The following PDGFC variants were observed in gnomAD, a reference collection of about 807,000 sequenced individuals.
The protein encoded by PDGFC is platelet derived growth factor C, also known as platelet-derived growth factor C.
PDGFC carries 12 observed loss-of-function variants against 35.5 expected under a neutral mutation model. The ratio of observed to expected loss-of-function variants is 0.34; its 90% CI spans 0.22 to 0.55. The LOEUF is 0.55. Among genes scored for constraint, PDGFC ranks in the 20% least tolerant of loss-of-function variants. The probability of loss-of-function intolerance (pLI) is 0.91; values close to 1 mark genes in which losing one functional copy is unlikely to be tolerated. For synonymous variants in PDGFC, 159 were observed against 148.8 expected, an observed-to-expected ratio of 1.07 and a Z score of -0.50; for missense variants, 322 against 412.4, an observed-to-expected ratio of 0.78 and a Z score of 1.90.
intron 1 of PDGFC, among the ~76,000 whole-genome samples, chr4:156,912,582 A>G (rs769767386): frequency 4.6e-5 from 7 of 152,096 alleles, no homozygotes; most frequent in Non-Finnish European, 8.8e-5. Flanking sequence ...CAAAGCCACA[A>G]AAGTATTCCT....
intron 1 of PDGFC, among the ~76,000 whole-genome samples, chr4:156,893,344 T>C (rs1162423027): frequency 6.6e-6 from 1 of 151,968 alleles, no homozygotes; most frequent in Non-Finnish European, 1.5e-5. Flanking sequence ...TAGATTTTTT[T>C]TTTTTTTAAG....
intron 1 of PDGFC, among the ~76,000 whole-genome samples, chr4:156,854,408 A>C (rs1729525303): frequency 6.6e-6 from 1 of 152,138 alleles, no homozygotes. Flanking sequence ...ATTCACTATT[A>C]AATTGGACTA....
intron 1 of PDGFC, among the ~76,000 whole-genome samples, chr4:156,910,559 G>A (rs1731014987): frequency 6.6e-6 from 1 of 152,046 alleles, no homozygotes; most frequent in African/African-American, 2.4e-5. Context: ...ATGTCCAAGA[G>A]TGTAATTTCT....
chr4:156,807,884 A>G (rs975568175), intron 3 of PDGFC, among the ~76,000 whole-genome samples: 12 of 152,206 alleles, frequency 7.9e-5, no homozygotes, highest in African/African-American at 2.9e-4. Context: ...GTTGATTATG[A>G]AAAGTAGATA....
At chr4:156,911,074 T>C (rs2110804484) in intron 1 of PDGFC, among the ~76,000 whole-genome samples, 1 of 152,240 alleles carries the variant, frequency 6.6e-6, no homozygotes, top group Non-Finnish European at 1.5e-5. Context: ...GTCATTCCTT[T>C]TGTGGGGTGT....
intron 1 of PDGFC, among the ~76,000 whole-genome samples, chr4:156,946,215 C>A (rs1731944231): frequency 6.6e-6 from 1 of 151,832 alleles, no homozygotes; most frequent in Non-Finnish European, 1.5e-5. Context: ...TTTAAAAAAA[C>A]AAGAATTTTA....
chr4:156,808,809 G>C (rs1731846226), intron 3 of PDGFC, among the ~76,000 whole-genome samples: 1 of 152,040 alleles, frequency 6.6e-6, no homozygotes, highest in Admixed American at 6.6e-5. Flanking sequence ...GAATGTGGCT[G>C]TAAGTAGAGA....
At chr4:156,962,191 C>CT (rs1732359724) in intron 1 of PDGFC, among the ~76,000 whole-genome samples, 2 of 152,258 alleles carry the variant, frequency 1.3e-5, no homozygotes, top group South Asian at 4.1e-4. Flanking sequence ...CATCTTTCCA[C>CT]TTTTTCTAGC....
chr4:156,810,881 G>C lies in PDGFC; in HGVS notation c.451C>G (p.Pro151Ala). Residue 151 changes from proline (P) to alanine (A), a missense_variant, in exon 3 of 6, where the codon CCT (proline) becomes GCT (alanine). Transcript: ENST00000502773. ...TGGATGCAGAACCCTGGTTCAGAAG[G>C]AAAATATTCATCAGATACAAATCTT... is the stretch of plus-strand genomic sequence containing the variant. Reference protein sequence around the residue: ...RIRFVSDEYFPSEPGFCIHYN... With the variant: ...RIRFVSDEYFASEPGFCIHYN... The C allele has an allele frequency of 6.2e-7, 1 of 1,608,850 alleles. No individual in the cohort carries two copies. Among genetic ancestry groups the C allele is most frequent in the Non-Finnish European group, 8.5e-7 (1 of 1,176,018 alleles).
intron 1 of PDGFC, among the ~76,000 whole-genome samples, chr4:156,936,993 C>T (rs1472101041): frequency 6.6e-6 from 1 of 152,120 alleles, no homozygotes; most frequent in Admixed American, 6.5e-5. Flanking sequence ...AATTTAAGAG[C>T]TGAGAAATAA....
At chr4:156,791,683 T>C (rs1731303634) in intron 3 of PDGFC, among the ~76,000 whole-genome samples, 2 of 152,336 alleles carry the variant, frequency 1.3e-5, no homozygotes, top group African/African-American at 2.4e-5. Context: ...AACAAAATTA[T>C]ATGTATTTAT....
Position 156,762,870 on chromosome 4 carries a change from A to G in PDGFC, c.*220T>C. The stretch of plus-strand genomic sequence containing the variant: ...TTTAATTTTCTTTCCACGATTGAAG[A>G]CCTTTTCTCCTGTCCTTTAGGCCTC... On this transcript the variant is annotated 3_prime_UTR_variant, in exon 6 of 6. Transcript: ENST00000502773. The G allele has an allele frequency of 2.1e-6, 1 of 467,396 alleles. No individual in the cohort carries two copies. The highest frequency in any genetic ancestry group is 4.5e-5 in the South Asian group (1 of 22,414). The allele number at this position is 467,396 out of a possible 1,614,324, so 29.0% of individuals were successfully genotyped here.
At chr4:156,812,278 C>T (rs530908716) in intron 2 of PDGFC, among the ~76,000 whole-genome samples, 2 of 152,084 alleles carry the variant, frequency 1.3e-5, no homozygotes, top group African/African-American at 2.4e-5. Context: ...TTAAAAGATG[C>T]TAACATTTTC....
chr4:156,784,399 A>G (rs7672622), intron 3 of PDGFC, among the ~76,000 whole-genome samples: 61,779 of 151,930 alleles, frequency 0.41, 16,449 homozygotes, highest in African/African-American at 0.76. Context: ...ACATCAAAGT[A>G]ATGGAAAGAT....
At chr4:156,959,704 A>G (rs1465825980) in intron 1 of PDGFC, among the ~76,000 whole-genome samples, 1 of 152,014 alleles carries the variant, frequency 6.6e-6, no homozygotes, top group Non-Finnish European at 1.5e-5. Flanking sequence ...AACTTGTGGC[A>G]TTTACACTTC....
intron 1 of PDGFC, among the ~76,000 whole-genome samples, chr4:156,900,437 C>T (rs946590159): frequency 6.6e-6 from 1 of 152,130 alleles, no homozygotes; most frequent in Non-Finnish European, 1.5e-5. Flanking sequence ...AACTAGGACA[C>T]GTAGAGTAAC....
chr4:156,934,031 T>C (rs1426647279), intron 1 of PDGFC, among the ~76,000 whole-genome samples: 1 of 152,114 alleles, frequency 6.6e-6, no homozygotes, highest in Non-Finnish European at 1.5e-5. Flanking sequence ...ACAGAGAAAA[T>C]ATGTGTGTTA....
At position 156,971,313 on chromosome 4, in the gene PDGFC, C is replaced by T. The variant is rs1732587868; in HGVS notation, c.-410G>A. On this transcript the variant is annotated 5_prime_UTR_variant, in exon 1 of 6. Transcript: ENST00000502773. Reference sequence around the variant, plus strand: ...ACAGAGGCGAAAACTCAAGGGTTGCCCGCAGCCAGACTGGAAGCCAAGTCG... The same window carrying T: ...ACAGAGGCGAAAACTCAAGGGTTGCTCGCAGCCAGACTGGAAGCCAAGTCG... 2.5e-6 allele frequency: 1 copy of T among 399,872 alleles called. No individual in the cohort carries two copies. Among genetic ancestry groups the T allele is most frequent in the African/African-American group, 2.1e-5 (1 of 48,658 alleles). 24.8% of individuals were successfully genotyped at this position (399,872 alleles called of 1,614,324 possible). A position where few individuals can be genotyped will look rare whatever the true frequency, so the allele number is the denominator to read the frequency against.
intron 2 of PDGFC, among the ~76,000 whole-genome samples, chr4:156,816,902 T>C (rs561545443): frequency 1.3e-5 from 2 of 152,326 alleles, no homozygotes; most frequent in South Asian, 2.1e-4. Context: ...AATGTGGTAA[T>C]TTAGGCCTAT....
Sources: gnomAD v4.1 joint callset for allele counts (sites outside exome capture counted in the v4.1 genomes callset) on GRCh38, gnomAD v4.1.1 for gene constraint, MANE v1.5 for transcripts, NCBI Gene and HGNC (gene_info 2026-07-23, HGNC 2026-07-21) for gene names.